Variants in UBTD1 observed in about 807,000 individuals in gnomAD.
The protein encoded by UBTD1 is ubiquitin domain containing 1, also known as ubiquitin domain-containing protein 1.
A neutral mutation model predicts 21.7 loss-of-function variants in UBTD1; 19 were observed. The observed-to-expected ratio is 0.87, with a 90% CI of 0.61 to 1.28. The LOEUF (loss-of-function observed/expected upper bound fraction) is 1.28. Among genes scored for constraint, UBTD1 ranks in the 50% most tolerant of loss-of-function variants. The pLI is 0.00. For missense variants in UBTD1, 282 were observed against 315.1 expected (o/e 0.89, Z 0.80); for synonymous variants, 116 against 135.1 (o/e 0.86, Z 0.98).
intron 1 of UBTD1, 145 bp downstream of exon 1, chr10:97,499,418 C>T: frequency 9.2e-7 from 1 of 1,088,970 alleles, no homozygotes; most frequent in Non-Finnish European, 1.3e-6. Context: ...GAGGGGGCCG[C>T]TCCCCAGCGC....
chr10:97,516,777 A>T (rs1353963367), intron 1 of UBTD1, among the ~76,000 whole-genome samples: 2 of 151,998 alleles, frequency 1.3e-5, no homozygotes, highest in Non-Finnish European at 2.9e-5. Flanking sequence ...TCTCAAAAAA[A>T]AAAAAGAAAC....
intron 1 of UBTD1, among the ~76,000 whole-genome samples, chr10:97,548,753 GGCA>G: frequency 6.6e-6 from 1 of 152,300 alleles, no homozygotes; most frequent in Middle Eastern, 3.4e-3. Context: ...CTCTGGTCTG[GGCA>G]ACAGAGCAAG....
intron 1 of UBTD1, among the ~76,000 whole-genome samples, chr10:97,527,038 A>G (rs562266940): frequency 1.8e-4 from 27 of 150,058 alleles, no homozygotes; most frequent in Non-Finnish European, 3.6e-4. Context: ...AGGCGTGGTG[A>G]CAGGCACCTG....
intron 1 of UBTD1, among the ~76,000 whole-genome samples, chr10:97,534,002 G>A (rs1045938917): frequency 1.3e-5 from 2 of 151,810 alleles, no homozygotes; most frequent in Admixed American, 1.3e-4. Context: ...CAGCCCATCT[G>A]CCCTAGGCCA....
intron 1 of UBTD1, among the ~76,000 whole-genome samples, chr10:97,548,003 A>G (rs1306414284): frequency 3.3e-5 from 5 of 152,254 alleles, no homozygotes; most frequent in East Asian, 3.9e-4. Flanking sequence ...CACTGGGCAG[A>G]GTGGTCTCAC....
intron 1 of UBTD1, among the ~76,000 whole-genome samples, chr10:97,553,681 G>C (rs10748700): frequency 0.27 from 40,836 of 151,964 alleles, 5,760 homozygotes; most frequent in East Asian, 0.49. Context: ...GAGGTGCTGC[G>C]GCTGCCCTCT....
At chr10:97,568,300 A>G (rs1257609453) in intron 2 of UBTD1, among the ~76,000 whole-genome samples, 159 bp downstream of exon 2, 2 of 152,250 alleles carry the variant, frequency 1.3e-5, no homozygotes, top group African/African-American at 4.8e-5. Flanking sequence ...GTGGGTACAC[A>G]AAGAAAAAGA....
chr10:97,523,277 A>G (rs966790106), intron 1 of UBTD1, among the ~76,000 whole-genome samples: 1 of 152,162 alleles, frequency 6.6e-6, no homozygotes, highest in African/African-American at 2.4e-5. Context: ...AATTTCATGA[A>G]TTGTGGCAGG....
At position 97,570,649 on chromosome 10, in the gene UBTD1, A is replaced by G; in HGVS notation, c.*126A>G. The G allele has an allele frequency of 8.1e-7, 1 of 1,239,030 alleles. No homozygotes were observed. The highest frequency in any genetic ancestry group is 1.1e-6 in the Non-Finnish European group (1 of 894,936). The allele number at this position is 1,239,030 out of a possible 1,614,324, so 76.8% of individuals were successfully genotyped here. A position where few individuals can be genotyped will look rare whatever the true frequency, so the allele number is the denominator to read the frequency against. On this transcript the variant is annotated 3_prime_UTR_variant, in exon 3 of 3. Transcript: ENST00000370664. The surrounding 1 kb of genome is among the most constrained non-coding windows in gnomAD (Gnocchi z 6.6). The stretch of plus-strand genomic sequence containing the variant: ...CGGTGTGGCTGGTGGGTGAGCCGTG[A>G]AGGGACCCTGCCTTTCAGGGCACTA...
chr10:97,536,238 C>T (rs547469400), intron 1 of UBTD1, among the ~76,000 whole-genome samples: 65 of 152,016 alleles, frequency 4.3e-4, no homozygotes, highest in African/African-American at 1.4e-3. Flanking sequence ...GTGATCCATC[C>T]GCCTCCGCCT....
intron 1 of UBTD1, among the ~76,000 whole-genome samples, chr10:97,505,964 C>T (rs181594296): frequency 7.2e-4 from 109 of 152,216 alleles, no homozygotes; most frequent in Middle Eastern, 6.8e-3. Context: ...CTTTCTGAAA[C>T]GAATGATATG....
intron 1 of UBTD1, among the ~76,000 whole-genome samples, chr10:97,516,429 C>T (rs371266049): frequency 4.6e-5 from 7 of 152,310 alleles, no homozygotes; most frequent in East Asian, 1.9e-4. Context: ...GGCTGGACCT[C>T]GTTGACTGGG....
At chr10:97,522,114 C>T (rs992393933) in intron 1 of UBTD1, among the ~76,000 whole-genome samples, 3 of 152,190 alleles carry the variant, frequency 2.0e-5, no homozygotes, top group Non-Finnish European at 4.4e-5. Flanking sequence ...CTCTGCAAGA[C>T]ATAGACAAGA....
intron 1 of UBTD1, among the ~76,000 whole-genome samples, chr10:97,513,737 G>A (rs1030632502): frequency 4.6e-5 from 7 of 152,116 alleles, no homozygotes; most frequent in East Asian, 3.9e-4. Context: ...TTTAGAGATA[G>A]GGTCTTATTC....
intron 1 of UBTD1, among the ~76,000 whole-genome samples, chr10:97,528,793 G>A (rs1483851809): frequency 1.5e-5 from 2 of 137,610 alleles, no homozygotes; most frequent in Admixed American, 6.9e-5. Context: ...CCTCCCTCCC[G>A]GACGGGGCGG....
At chr10:97,504,462 C>G (rs1485560110) in intron 1 of UBTD1, among the ~76,000 whole-genome samples, 1 of 152,198 alleles carries the variant, frequency 6.6e-6, no homozygotes, top group Non-Finnish European at 1.5e-5. Flanking sequence ...ATGGGTCCCT[C>G]TCTCTCCTTG....
At chr10:97,543,077 A>T (rs1207203550) in intron 1 of UBTD1, among the ~76,000 whole-genome samples, 1 of 152,262 alleles carries the variant, frequency 6.6e-6, no homozygotes, top group Non-Finnish European at 1.5e-5. Flanking sequence ...ATTGCCTCTC[A>T]AGAGCCTGCC....
At chr10:97,556,760 C>G (rs2040665927) in intron 1 of UBTD1, among the ~76,000 whole-genome samples, 1 of 152,190 alleles carries the variant, frequency 6.6e-6, no homozygotes, top group Non-Finnish European at 1.5e-5. Flanking sequence ...TTAGCATAAG[C>G]TCTGTGTCCA....
At chr10:97,564,221 G>A (rs540101157) in intron 1 of UBTD1, among the ~76,000 whole-genome samples, 4 of 152,186 alleles carry the variant, frequency 2.6e-5, no homozygotes, top group Non-Finnish European at 5.9e-5. Flanking sequence ...TAGCCTGCTG[G>A]AGGACTGGAA....
Sources: gnomAD v4.1 joint callset for allele counts (sites outside exome capture counted in the v4.1 genomes callset) on GRCh38, gnomAD v4.1.1 for gene constraint, Gnocchi (gnomAD v3.1) non-coding constraint, MANE v1.5 for transcripts, NCBI Gene and HGNC (gene_info 2026-07-23, HGNC 2026-07-21) for gene names.